CYP4X1: variants seen among roughly 807,000 people sequenced by gnomAD.
CYP4X1 encodes cytochrome P450 4X1.
CYP4X1 carries 44 observed loss-of-function variants against 57.9 expected under a neutral mutation model. The ratio of observed to expected loss-of-function variants is 0.76; its 90% CI spans 0.60 to 0.98. The LOEUF is 0.98. CYP4X1 is among the 50% of genes least tolerant of loss of function. The pLI is 0.00. For synonymous variants in CYP4X1, 227 were observed against 228.6 expected, an observed-to-expected ratio of 0.99 and a Z score of 0.06; for missense variants, 532 against 623.9, an observed-to-expected ratio of 0.85 and a Z score of 1.57.
At chr1:47,034,862 C>A (rs974783816) in intron 4 of CYP4X1, among the ~76,000 whole-genome samples, 1 of 151,974 alleles carries the variant, frequency 6.6e-6, no homozygotes, top group African/African-American at 2.4e-5. Flanking sequence ...TCTCACACTT[C>A]CTTCCTCTGC....
chr1:47,039,566 T>C, intron 8 of CYP4X1, 34 bp downstream of exon 8: 1 of 1,545,028 alleles, frequency 6.5e-7, no homozygotes, highest in Non-Finnish European at 8.7e-7. Context: ...TCCTGCTAGT[T>C]TTCCCCCTGA....
chr1:47,053,135 T>C (rs1644370028), downstream of CYP4X1, among the ~76,000 whole-genome samples: 2 of 152,158 alleles, frequency 1.3e-5, no homozygotes, highest in South Asian at 4.1e-4. Flanking sequence ...TTCTCATTGT[T>C]CAATTCCCAC....
the CYP4X1 span, among the ~76,000 whole-genome samples, chr1:46,964,129 C>T: frequency 3.9e-5 from 6 of 152,196 alleles, no homozygotes; most frequent in Admixed American, 1.3e-4. Flanking sequence ...ATTGGTTATT[C>T]TAGTTATCCA....
chr1:47,006,514 A>C, the CYP4X1 span, among the ~76,000 whole-genome samples: 10 of 152,216 alleles, frequency 6.6e-5, no homozygotes, highest in Admixed American at 6.5e-4. Context: ...GTGATGCAGA[A>C]GATGGGTGAT....
the CYP4X1 span, among the ~76,000 whole-genome samples, chr1:46,970,206 T>G: frequency 1.3e-5 from 2 of 152,222 alleles, no homozygotes; most frequent in Non-Finnish European, 2.9e-5. Flanking sequence ...GAATTTATTA[T>G]GTACTATCTA....
intron 8 of CYP4X1, chr1:47,039,790 T>G (rs1644226075): frequency 3.9e-6 from 1 of 254,180 alleles, no homozygotes; most frequent in Non-Finnish European, 7.4e-6. Context: ...GTCTTATTTC[T>G]TTATTTCACC....
the CYP4X1 span, among the ~76,000 whole-genome samples, chr1:46,965,612 G>C: frequency 6.6e-6 from 1 of 152,204 alleles, no homozygotes. Flanking sequence ...TCCCAGCGGG[G>C]TACTGAGTTG....
At chr1:46,985,267 G>A in the CYP4X1 span, among the ~76,000 whole-genome samples, 3 of 152,178 alleles carry the variant, frequency 2.0e-5, no homozygotes. Flanking sequence ...GGCAGAGCTT[G>A]CAGTGAGCCG....
At chr1:46,982,072 T>C in the CYP4X1 span, among the ~76,000 whole-genome samples, 1 of 152,148 alleles carries the variant, frequency 6.6e-6, no homozygotes, top group African/African-American at 2.4e-5. Context: ...ATGGCACATG[T>C]ATACATATGT....
chr1:46,966,550 G>A, the CYP4X1 span, among the ~76,000 whole-genome samples: 52 of 152,194 alleles, frequency 3.4e-4, 1 homozygote, highest in African/African-American at 1.3e-3. Flanking sequence ...ACTTCTGGGT[G>A]GGCCATTGCC....
At chr1:46,981,221 G>T in the CYP4X1 span, among the ~76,000 whole-genome samples, 1 of 152,094 alleles carries the variant, frequency 6.6e-6, no homozygotes, top group Non-Finnish European at 1.5e-5. Context: ...GAAAATTTTT[G>T]CAATCTACCC....
At chr1:47,048,453 G>A in intron 9 of CYP4X1, 112 bp from the exon 10 acceptor site, 1 of 1,127,128 alleles carries the variant, frequency 8.9e-7, no homozygotes, top group Non-Finnish European at 1.4e-6. Flanking sequence ...AGCAGGCAGA[G>A]CATTGCCAGG....
chr1:47,053,586 C>T (rs1192945367), downstream of CYP4X1, among the ~76,000 whole-genome samples: 2 of 152,160 alleles, frequency 1.3e-5, no homozygotes, highest in Non-Finnish European at 2.9e-5. Context: ...CCTGTTGTTT[C>T]CTGACTTTTT....
chr1:47,048,548 T>C lies in CYP4X1; in HGVS notation c.1208-17T>C. The C allele has an allele frequency of 6.2e-7, 1 of 1,614,050 alleles. No homozygotes were observed. Among genetic ancestry groups the C allele is most frequent in the Non-Finnish European group, 8.5e-7 (1 of 1,179,902 alleles). Reference sequence around the variant, plus strand: ...GCTCTTTCTCCTGCAGTCTCTTTTATTTCCCTCCTTTCTTAGGGATCACCG... The same window carrying C: ...GCTCTTTCTCCTGCAGTCTCTTTTACTTCCCTCCTTTCTTAGGGATCACCG... On this transcript the variant is annotated splice_polypyrimidine_tract_variant and intron_variant, in intron 9 of 11. Coordinates refer to ENST00000371901, the MANE Select transcript of CYP4X1 (RefSeq NM_178033.2).
chr1:46,998,127 T>C, the CYP4X1 span, among the ~76,000 whole-genome samples: 1 of 151,964 alleles, frequency 6.6e-6, no homozygotes, highest in Non-Finnish European at 1.5e-5. Flanking sequence ...TGAAGATTAG[T>C]GGTTTATTAG....
At chr1:47,024,299 T>A (rs1396568665) in intron 1 of CYP4X1, among the ~76,000 whole-genome samples, 1 of 152,230 alleles carries the variant, frequency 6.6e-6, no homozygotes, top group Non-Finnish European at 1.5e-5. Context: ...TCTCATTGCT[T>A]CACCAAGCCT....
chr1:47,022,910 G>A (rs1002097458), upstream of CYP4X1, among the ~76,000 whole-genome samples: 1 of 152,302 alleles, frequency 6.6e-6, no homozygotes, highest in East Asian at 1.9e-4. Flanking sequence ...TTAGATCCTA[G>A]TTCACCACCT....
the CYP4X1 span, among the ~76,000 whole-genome samples, chr1:46,974,470 C>T: frequency 6.6e-6 from 1 of 152,122 alleles, no homozygotes; most frequent in Admixed American, 6.6e-5. Context: ...AGTTTAAGAG[C>T]TAAATACCTT....
At chr1:46,967,819 G>T in the CYP4X1 span, 1 of 1,331,436 alleles carries the variant, frequency 7.5e-7, no homozygotes, top group Admixed American at 2.6e-5. Context: ...CAGGGTCAGG[G>T]CCATGGCCAC....
Sources: allele counts gnomAD v4.1 joint callset (sites outside exome capture counted in the v4.1 genomes callset), GRCh38; gene constraint gnomAD v4.1.1; transcripts MANE v1.5; gene names NCBI Gene and HGNC (gene_info 2026-07-23, HGNC 2026-07-21).